The following MAP3K2 variants were observed in gnomAD, a reference collection of about 807,000 sequenced individuals.
The protein encoded by MAP3K2 is mitogen-activated protein kinase kinase kinase 2.
MAP3K2 carries 24 observed loss-of-function variants against 80.3 expected under a neutral mutation model. That is an observed-to-expected ratio of 0.30 (90% CI 0.22 to 0.42). The LOEUF (loss-of-function observed/expected upper bound fraction) is 0.42, where lower values mean the gene tolerates loss of function less well. Among genes scored for constraint, MAP3K2 ranks in the 10% least tolerant of loss-of-function variants. The pLI is 1.00. For synonymous variants in MAP3K2, 244 were observed against 253.7 expected, an observed-to-expected ratio of 0.96 and a Z score of 0.36; for missense variants, 608 against 750.1, an observed-to-expected ratio of 0.81 and a Z score of 2.21.
chr2:127,376,159 G>A (rs555176736), intron 1 of MAP3K2, among the ~76,000 whole-genome samples: 10 of 152,266 alleles, frequency 6.6e-5, no homozygotes, highest in African/African-American at 2.2e-4. Flanking sequence ...CAAAAGCTTC[G>A]GAAAAAGATT....
Position 127,341,315 on chromosome 2 carries a change from C to T in MAP3K2, c.4+1811G>A, listed in dbSNP as rs186933484. ...ACTTATTTATTAAGAAAAATGAGAA[C>T]GGAAAAAAAAATAAGTACCGTTTTC... On this transcript the variant is annotated intron_variant, in intron 2 of 16. Coordinates refer to ENST00000682094, the MANE Select transcript of MAP3K2 (RefSeq NM_001371910.2). Among the ~76,000 whole-genome samples the T allele has an allele frequency of 8.1e-4, 121 of 149,532 alleles. 1 individual carries two copies. The highest frequency in any genetic ancestry group is 2.6e-3 in the African/African-American group (104 of 40,716).
intron 1 of MAP3K2, among the ~76,000 whole-genome samples, chr2:127,354,436 A>T (rs1306429758): frequency 1.3e-5 from 2 of 152,024 alleles, no homozygotes; most frequent in Admixed American, 1.3e-4. Flanking sequence ...TGACACCCTG[A>T]TTTTATCTCT....
rs1686427047 is a variant in MAP3K2, at chr2:127,339,036, AAGCTTGCTGATCATCT to A, written c.5-2_18del. On this transcript the variant is annotated splice_acceptor_variant and coding_sequence_variant, in exon 3 of 17. Transcript: ENST00000682094. LOFTEE classifies it high-confidence loss of function. This position sits in a 1 kb window ranked among gnomAD's most constrained non-coding sequence, Gnocchi z 4.2. ...GCCAAATCTTGCATGATTGAGTTCA[AAGCTTGCTGATCATCT>A]AGGTAGTTTTGAAACAACACATACA... 6.2e-7 allele frequency: 1 copy of A among 1,608,716 alleles called. No individual in the cohort carries two copies. The highest frequency in any genetic ancestry group is 1.3e-5 in the African/African-American group (1 of 74,886).
At chr2:127,362,137 T>C (rs1686903286) in intron 1 of MAP3K2, among the ~76,000 whole-genome samples, 2 of 152,248 alleles carry the variant, frequency 1.3e-5, no homozygotes. Context: ...TGGGTCATGT[T>C]ACATACAAAA....
At chr2:127,338,251 G>T (rs1156826722) in intron 3 of MAP3K2, among the ~76,000 whole-genome samples, 1 of 152,162 alleles carries the variant, frequency 6.6e-6, no homozygotes, top group Non-Finnish European at 1.5e-5. Flanking sequence ...CACATTAAAT[G>T]AAATGCTACC....
rs995399423 is a variant in MAP3K2, at chr2:127,330,653, T to C, written c.265-148A>G. The C allele has an allele frequency of 4.0e-5, 18 of 445,944 alleles. No homozygotes were observed. The Admixed American group carries it at 6.4e-4, about 16-fold the overall frequency. 27.6% of individuals were successfully genotyped at this position (445,944 alleles called of 1,614,324 possible). On this transcript the variant is annotated intron_variant, in intron 5 of 16. Transcript: ENST00000682094. The stretch of plus-strand genomic sequence containing the variant: ...AAAGTCTGAATGTGTATGTGTATAT[T>C]GTTTTGCCCTCCTCATTCTACCGCC...
chr2:127,342,388 G>GGGGTGTGT lies in MAP3K2; in HGVS notation c.4+737_4+738insACACACCC, dbSNP rs143219830. The stretch of plus-strand genomic sequence containing the variant: ...TGGGCAAATATAAGTTCTTCATGAG[G>GGGGTGTGT]GTGTGTGTGTGTGTGTGTGTGTGTG... On this transcript the variant is annotated intron_variant, in intron 2 of 16. Coordinates refer to ENST00000682094, the MANE Select transcript of MAP3K2 (RefSeq NM_001371910.2). 5.1e-3 allele frequency among the ~76,000 whole-genome samples: 758 copies of GGGGTGTGT among 147,852 alleles called. 12 individuals carry two copies. Among genetic ancestry groups the GGGGTGTGT allele is most frequent in the African/African-American group, 0.017 (688 of 39,756 alleles).
At chr2:127,336,931 A>T (rs1686384046) in intron 4 of MAP3K2, among the ~76,000 whole-genome samples, 1 of 152,224 alleles carries the variant, frequency 6.6e-6, no homozygotes, top group African/African-American at 2.4e-5. Flanking sequence ...ATCTGAGGTC[A>T]GGAGTTCGAG....
intron 1 of MAP3K2, among the ~76,000 whole-genome samples, chr2:127,352,640 G>A (rs1364309355): frequency 6.6e-6 from 1 of 152,072 alleles, no homozygotes; most frequent in Non-Finnish European, 1.5e-5. Context: ...CACATGCTTA[G>A]GATGGCAAAG....
intron 1 of MAP3K2, among the ~76,000 whole-genome samples, chr2:127,348,443 T>A (rs1686635731): frequency 6.6e-6 from 1 of 152,078 alleles, no homozygotes; most frequent in South Asian, 2.1e-4. Context: ...ATAAAGTACC[T>A]ATACATGCTC....
At chr2:127,353,739 G>C (rs1686746462) in intron 1 of MAP3K2, among the ~76,000 whole-genome samples, 1 of 152,144 alleles carries the variant, frequency 6.6e-6, no homozygotes, top group Admixed American at 6.5e-5. Flanking sequence ...CGTCTGGGAG[G>C]TGTACCCAAC....
chr2:127,356,290 C>T (rs1195075036), intron 1 of MAP3K2, among the ~76,000 whole-genome samples: 1 of 152,154 alleles, frequency 6.6e-6, no homozygotes, highest in Non-Finnish European at 1.5e-5. Flanking sequence ...TTGATCAGAA[C>T]AATCTGATCA....
At chr2:127,367,809 A>T (rs1036678206) in intron 1 of MAP3K2, among the ~76,000 whole-genome samples, 9 of 152,022 alleles carry the variant, frequency 5.9e-5, no homozygotes, top group African/African-American at 1.9e-4. Flanking sequence ...AAACCTCCAT[A>T]ATACCATTAA....
intron 1 of MAP3K2, among the ~76,000 whole-genome samples, chr2:127,376,251 A>AT (rs1241083123): frequency 7.3e-6 from 1 of 136,146 alleles, no homozygotes. Context: ...ACTGATCTAG[A>AT]TAAGTTTACT....
intron 1 of MAP3K2, among the ~76,000 whole-genome samples, chr2:127,366,007 A>G (rs1686964610): frequency 6.6e-6 from 1 of 152,196 alleles, no homozygotes; most frequent in Admixed American, 6.5e-5. Flanking sequence ...CTTCTTGCAT[A>G]TATAACAAAA....
upstream of MAP3K2, chr2:127,388,374 C>CTG (rs1049836098): frequency 2.0e-6 from 2 of 985,332 alleles, no homozygotes; most frequent in African/African-American, 3.5e-5. Flanking sequence ...CAGTGACGGA[C>CTG]TGTGTGGCAG....
intron 13 of MAP3K2, 78 bp downstream of exon 13, chr2:127,318,091 A>C: frequency 4.2e-6 from 4 of 956,388 alleles, no homozygotes; most frequent in Non-Finnish European, 5.8e-6. Context: ...TTTAGAATGG[A>C]AGGGGCTTAA....
intron 1 of MAP3K2, among the ~76,000 whole-genome samples, chr2:127,368,088 G>A (rs933735829): frequency 1.3e-5 from 2 of 152,130 alleles, no homozygotes; most frequent in Non-Finnish European, 2.9e-5. Flanking sequence ...CTGGGAGGCC[G>A]AGGCGGGTGG....
chr2:127,387,423 A>ACACACACACACACACACACAC, intron 1 of MAP3K2, 29 bp downstream of exon 1: 1 of 456,280 alleles, frequency 2.2e-6, no homozygotes, highest in African/African-American at 6.1e-5. Flanking sequence ...CACACACACA[A>ACACACACACACACACACACAC]GCGCGCGCGC....
Sources: gnomAD v4.1 joint callset for allele counts (sites outside exome capture counted in the v4.1 genomes callset) on GRCh38, gnomAD v4.1.1 for gene constraint, Gnocchi (gnomAD v3.1) non-coding constraint, MANE v1.5 for transcripts, NCBI Gene and HGNC (gene_info 2026-07-23, HGNC 2026-07-21) for gene names.